CTNNA2: variants seen among roughly 807,000 people sequenced by gnomAD.
CTNNA2 encodes catenin alpha 2.
CTNNA2 carries 42 observed loss-of-function variants against 101.0 expected under a neutral mutation model. The ratio of observed to expected loss-of-function variants is 0.42; its 90% confidence interval spans 0.32 to 0.54. The LOEUF (loss-of-function observed/expected upper bound fraction) is 0.54. Among genes scored for constraint, CTNNA2 ranks in the 20% least tolerant of loss-of-function variants. CTNNA2 has a pLI of 0.14. For synonymous variants in CTNNA2, 450 were observed against 456.4 expected (o/e 0.99, Z 0.18); for missense variants, 871 against 1,223.1 (o/e 0.71, Z 4.29).
At chr2:80,092,971 GT>G (rs2148823325) in intron 7 of CTNNA2, among the ~76,000 whole-genome samples, 1 of 151,800 alleles carries the variant, frequency 6.6e-6, no homozygotes, top group East Asian at 1.9e-4. Context: ...TTTGTTTTAA[GT>G]TATTCTTGAA....
rs115145811 is a variant in CTNNA2 at position 79,833,131 on chromosome 2, T to C, written c.299-24882T>C. On this transcript the variant is annotated intron_variant, in intron 3 of 18. Coordinates refer to ENST00000402739, the MANE Select transcript of CTNNA2 (RefSeq NM_001282597.3). ...CTTCTGGCATTTGATTTTGAGAATTTCCTCAAAAGCTCAATATTCCAATTC... is the reference window on the plus strand; with the variant it reads ...CTTCTGGCATTTGATTTTGAGAATTCCCTCAAAAGCTCAATATTCCAATTC... Among the ~76,000 whole-genome samples, 1,404 of 152,322 alleles carry C rather than the reference T, an allele frequency of 9.2e-3. 26 individuals carry two copies. The highest frequency in any genetic ancestry group is 0.032 in the African/African-American group (1,331 of 41,574).
At position 80,345,875 on chromosome 2, in the gene CTNNA2, C is replaced by T. The variant is rs140226307; in HGVS notation, c.1057-47336C>T. On this transcript the variant is annotated intron_variant, in intron 7 of 18. Transcript: ENST00000402739. ...AGAACTCCTGTTTAATCATACGTGG[C>T]CTAGAGGAAGAGGCAAAGTATAAAG... Among the ~76,000 whole-genome samples, 426 of 152,172 alleles carry T rather than the reference C, an allele frequency of 2.8e-3. 1 individual carries two copies. The highest frequency in any genetic ancestry group is 9.4e-3 in the African/African-American group (391 of 41,510).
At chr2:79,873,500 A>G (rs1181822981) in intron 5 of CTNNA2, among the ~76,000 whole-genome samples, 1 of 152,196 alleles carries the variant, frequency 6.6e-6, no homozygotes, top group East Asian at 1.9e-4. Flanking sequence ...GGAACAGATG[A>G]AAGGGGACAC....
intron 8 of CTNNA2, among the ~76,000 whole-genome samples, chr2:80,414,825 A>G (rs1474386053): frequency 6.6e-6 from 1 of 152,190 alleles, no homozygotes; most frequent in African/African-American, 2.4e-5. Context: ...ATTTGACAAT[A>G]GGTCTTCTAG....
intron 1 of CTNNA2, among the ~76,000 whole-genome samples, chr2:79,522,608 T>C (rs1456017017): frequency 6.6e-6 from 1 of 152,124 alleles, no homozygotes; most frequent in Non-Finnish European, 1.5e-5. Flanking sequence ...TATTAGTACT[T>C]TCAGATTCAG....
intron 2 of CTNNA2, among the ~76,000 whole-genome samples, chr2:79,202,703 G>A (rs1399028758): frequency 6.6e-6 from 1 of 151,480 alleles, no homozygotes; most frequent in Non-Finnish European, 1.5e-5. Flanking sequence ...ATACATTTTG[G>A]GGGTGGAAGG....
At chr2:79,432,599 T>G (rs1678669725) in intron 4 of CTNNA2, among the ~76,000 whole-genome samples, 1 of 152,196 alleles carries the variant, frequency 6.6e-6, no homozygotes, top group Non-Finnish European at 1.5e-5. Flanking sequence ...AAGTTGGAAG[T>G]GCTGATCAGT....
At chr2:79,675,821 C>T (rs1028299517) in intron 2 of CTNNA2, among the ~76,000 whole-genome samples, 4 of 152,182 alleles carry the variant, frequency 2.6e-5, no homozygotes, top group African/African-American at 9.7e-5. Flanking sequence ...GTTACCTTTA[C>T]AAGGATATAA....
chr2:79,921,328 C>T (rs2916524), intron 7 of CTNNA2, among the ~76,000 whole-genome samples: 128,709 of 151,730 alleles, frequency 0.85, 54,735 homozygotes, highest in East Asian at 0.93. Context: ...GGATAAATAA[C>T]TTTGTAAGAA....
At chr2:80,306,440 CTT>C (rs1306287541) in intron 7 of CTNNA2, among the ~76,000 whole-genome samples, 2 of 139,146 alleles carry the variant, frequency 1.4e-5, no homozygotes, top group Non-Finnish European at 3.1e-5. Context: ...TTCTTTCTTT[CTT>C]TCTTTCTTTC....
At chr2:79,406,088 CT>C (rs1479541606) in intron 4 of CTNNA2, among the ~76,000 whole-genome samples, 1 of 151,962 alleles carries the variant, frequency 6.6e-6, no homozygotes, top group Non-Finnish European at 1.5e-5. Context: ...GTTCAACATG[CT>C]GCAAAAATAT....
At chr2:79,917,106 T>C (rs936092112) in intron 7 of CTNNA2, among the ~76,000 whole-genome samples, 2 of 151,760 alleles carry the variant, frequency 1.3e-5, no homozygotes, top group African/African-American at 4.8e-5. Context: ...GGAGTCTTGC[T>C]TTGTGGCCAG....
chr2:79,970,555 A>G (rs1425905590), intron 7 of CTNNA2, among the ~76,000 whole-genome samples: 1 of 152,134 alleles, frequency 6.6e-6, no homozygotes, highest in Non-Finnish European at 1.5e-5. Context: ...TTTGCTCCGT[A>G]TGGAGAAGAG....
intron 2 of CTNNA2, among the ~76,000 whole-genome samples, chr2:79,722,835 AT>A (rs1314345580): frequency 6.6e-6 from 1 of 152,146 alleles, no homozygotes; most frequent in Non-Finnish European, 1.5e-5. Context: ...CAGTTTCTAA[AT>A]GTAAACATCC....
At chr2:80,211,686 T>A (rs773924782) in intron 7 of CTNNA2, among the ~76,000 whole-genome samples, 20 of 152,316 alleles carry the variant, frequency 1.3e-4, no homozygotes, top group Non-Finnish European at 2.1e-4. Flanking sequence ...CTGAGGATTG[T>A]CTTGGCAATG....
rs1672392964 is a variant in CTNNA2, at chr2:79,756,283, C to T, written c.298+11701C>T. 3.3e-5 allele frequency among the ~76,000 whole-genome samples: 5 copies of T among 152,310 alleles called. No homozygotes were observed. The South Asian group carries it at 1.0e-3, about 32-fold the overall frequency. On this transcript the variant is annotated intron_variant, in intron 3 of 18. Transcript: ENST00000402739. ...TTGTATATAGTCTCTCAAAGTCATC[C>T]TGTTTGTCATTTGAAGTATTATCCA...
In CTNNA2 at chr2:80,148,800, C is replaced by T. The variant is rs182460711; in HGVS notation, c.1056+239003C>T. Among the ~76,000 whole-genome samples the T allele has an allele frequency of 3.3e-5, 5 of 152,192 alleles. No homozygotes were observed. In the East Asian group the frequency reaches 9.7e-4, roughly 29 times the overall value. ...GGCTTGGCACTGGAAAGAGCATCTCCGGATGAGAAGAGAAGGTTGAACCAC... is the reference window on the plus strand; with the variant it reads ...GGCTTGGCACTGGAAAGAGCATCTCTGGATGAGAAGAGAAGGTTGAACCAC... On this transcript the variant is annotated intron_variant, in intron 7 of 18. Transcript: ENST00000402739.
intron 7 of CTNNA2, among the ~76,000 whole-genome samples, chr2:80,058,322 CATTA>C (rs749559855): frequency 2.0e-5 from 3 of 152,138 alleles, no homozygotes; most frequent in African/African-American, 4.8e-5. Context: ...ACGTAGTTTT[CATTA>C]ATCCCATTTT....
chr2:80,255,835 G>T (rs1558945480), intron 7 of CTNNA2, among the ~76,000 whole-genome samples: 2 of 152,142 alleles, frequency 1.3e-5, no homozygotes. Context: ...GGCTTCACAG[G>T]AATCACGTGC....
Sources: allele counts gnomAD v4.1 joint callset (sites outside exome capture counted in the v4.1 genomes callset), GRCh38; gene constraint gnomAD v4.1.1; transcripts MANE v1.5; gene names NCBI Gene and HGNC (gene_info 2026-07-23, HGNC 2026-07-21).